PCDHGA10: variants seen among roughly 807,000 people sequenced by gnomAD.
The protein encoded by PCDHGA10 is protocadherin gamma subfamily A, 10.
A neutral mutation model predicts 59.5 loss-of-function variants in PCDHGA10; 42 were observed. That is an observed-to-expected ratio of 0.71 (90% CI 0.55 to 0.91). The LOEUF (loss-of-function observed/expected upper bound fraction) is 0.91, where lower values mean the gene tolerates loss of function less well. Among genes scored for constraint, PCDHGA10 ranks in the 40% least tolerant of loss-of-function variants. PCDHGA10 has a pLI of 0.00. For missense variants in PCDHGA10, 1,111 were observed against 1,198.2 expected (o/e 0.93, Z 1.07); for synonymous variants, 511 against 517.2 (o/e 0.99, Z 0.16).
chr5:141,433,262 T>C (rs2097580507), intron 1 of PCDHGA10: 1 of 1,339,318 alleles, frequency 7.5e-7, no homozygotes, highest in Non-Finnish European at 1.0e-6. Context: ...GGTACGATCA[T>C]AGCTCACTGC....
Position 141,417,750 on chromosome 5 carries a change from G to A in PCDHGA10, c.2436+2139G>A, listed in dbSNP as rs1430413607. The A allele has an allele frequency of 1.5e-5, 22 of 1,426,796 alleles. 1 individual carries two copies. In the East Asian group the frequency reaches 5.5e-4, roughly 36 times the overall value. The allele number at this position is 1,426,796 out of a possible 1,614,324, so 88.4% of individuals were successfully genotyped here. On this transcript the variant is annotated intron_variant, in intron 1 of 3. Coordinates refer to ENST00000398610, the MANE Select transcript of PCDHGA10 (RefSeq NM_018913.3). ...CCTTGCCCAGCACACCAGATTGCCA[G>A]CTCCGAGACCCGGGACTCCTCCTGT...
At chr5:141,430,396 A>G (rs1433813025) in intron 1 of PCDHGA10, among the ~76,000 whole-genome samples, 5 of 151,842 alleles carry the variant, frequency 3.3e-5, no homozygotes, top group Non-Finnish European at 7.4e-5. Context: ...AAAAAAAAAA[A>G]GCTCACTAAA....
At chr5:141,425,047 A>G (rs1590618154) in intron 1 of PCDHGA10, among the ~76,000 whole-genome samples, 1 of 152,198 alleles carries the variant, frequency 6.6e-6, no homozygotes, top group Non-Finnish European at 1.5e-5. Context: ...TAAACTGACT[A>G]TCTAGGGCTC....
rs1342050986 is a variant in PCDHGA10, at chr5:141,415,264, C to G, written c.2089C>G (p.Leu697Val). 1.2e-6 allele frequency: 2 copies of G among 1,614,210 alleles called. No individual in the cohort carries two copies. The highest frequency in any genetic ancestry group is 1.7e-6 in the Non-Finnish European group (2 of 1,180,038). ...NSETSDLTLYLVVAVAAVSCV... is the reference protein window; with the variant it reads ...NSETSDLTLYVVVAVAAVSCV... Reference sequence around the variant, plus strand: ...TGAAACCTCAGACCTCACTCTGTACCTGGTGGTAGCGGTGGCCGCGGTCTC... The same window carrying G: ...TGAAACCTCAGACCTCACTCTGTACGTGGTGGTAGCGGTGGCCGCGGTCTC... Residue 697 changes from leucine to valine, a missense_variant, in exon 1 of 4, where the codon CTG (leucine) becomes GTG (valine). Transcript: ENST00000398610.
chr5:141,433,079 A>C, intron 1 of PCDHGA10: 1 of 1,614,208 alleles, frequency 6.2e-7, no homozygotes, highest in South Asian at 1.1e-5. Flanking sequence ...CCCCCAGCCC[A>C]ACTATGCAGA....
chr5:141,477,607 G>A lies in PCDHGA10; in HGVS notation c.2437-17200G>A, dbSNP rs1223703956. ...ATGCTCGGCTTTCTTTCTTTCTCTT[G>A]GAGCAAGGAGCTGAAACCGGGCTAG... is the stretch of plus-strand genomic sequence containing the variant. On this transcript the variant is annotated intron_variant, in intron 1 of 3. Coordinates refer to ENST00000398610, the MANE Select transcript of PCDHGA10 (RefSeq NM_018913.3). The surrounding 1 kb of genome is among the most constrained non-coding windows in gnomAD (Gnocchi z 4.9). 2 of 1,614,028 alleles carry A rather than the reference G, an allele frequency of 1.2e-6. No individual in the cohort carries two copies. The highest frequency in any genetic ancestry group is 3.3e-5 in the Admixed American group (2 of 60,000).
rs1327490895 is a variant in PCDHGA10, at chr5:141,487,672, G to A, written c.2437-7135G>A. The stretch of plus-strand genomic sequence containing the variant: ...AGGGTTATTCTGATCCAGGCATATG[G>A]CTAGGCCATGTCCTAGAGAGTACTG... On this transcript the variant is annotated intron_variant, in intron 1 of 3. Coordinates refer to ENST00000398610, the MANE Select transcript of PCDHGA10 (RefSeq NM_018913.3). This position sits in a 1 kb window ranked among gnomAD's most constrained non-coding sequence, Gnocchi z 5.0. 6.2e-7 allele frequency: 1 copy of A among 1,611,484 alleles called. No individual in the cohort carries two copies. Among genetic ancestry groups the A allele is most frequent in the Non-Finnish European group, 8.5e-7 (1 of 1,178,612 alleles).
intron 2 of PCDHGA10, among the ~76,000 whole-genome samples, chr5:141,497,501 C>T (rs1268186916): frequency 6.6e-6 from 1 of 151,182 alleles, no homozygotes; most frequent in Non-Finnish European, 1.5e-5. Flanking sequence ...TCTCTCCTCT[C>T]TCTGCTTCCT....
rs1407016089 is a variant in PCDHGA10 at position 141,489,914 on chromosome 5, C to T, written c.2437-4893C>T. On this transcript the variant is annotated intron_variant, in intron 1 of 3. Coordinates refer to ENST00000398610, the MANE Select transcript of PCDHGA10 (RefSeq NM_018913.3). The surrounding 1 kb of genome is among the most constrained non-coding windows in gnomAD (Gnocchi z 4.5). Reference sequence around the variant, plus strand: ...GGGGGGACCCCAGCCCGCTCAGGGACCACCCTTATCTCTGTCATCGTGCTG... The same window carrying T: ...GGGGGGACCCCAGCCCGCTCAGGGATCACCCTTATCTCTGTCATCGTGCTG... 3 of 1,614,094 alleles carry T rather than the reference C, an allele frequency of 1.9e-6. No individual in the cohort carries two copies. Among genetic ancestry groups the T allele is most frequent in the African/African-American group, 2.7e-5 (2 of 74,936 alleles).
Position 141,414,091 on chromosome 5 carries a change from A to C in PCDHGA10, c.916A>C (p.Lys306Gln), listed in dbSNP as rs774168035. Reference protein sequence around the residue: ...FQLNKYTGEIKISENLDYEET... With the variant: ...FQLNKYTGEIQISENLDYEET... ...ACTAAACAAATATACTGGAGAAATA[A>C]AAATATCAGAAAATCTAGATTATGA... The change falls in exon 1 of 4, where the codon AAA becomes CAA. Residue 306 changes from lysine to glutamine, a missense_variant. Coordinates refer to ENST00000398610, the MANE Select transcript of PCDHGA10 (RefSeq NM_018913.3). 12 of 1,594,412 alleles carry C rather than the reference A, an allele frequency of 7.5e-6. No individual in the cohort carries two copies. The highest frequency in any genetic ancestry group is 1.3e-5 in the African/African-American group (1 of 74,428).
At chr5:141,418,687 G>T (rs758554600) in intron 1 of PCDHGA10, 1 of 1,613,928 alleles carries the variant, frequency 6.2e-7, no homozygotes, top group African/African-American at 1.3e-5. Context: ...TCAACTCAGA[G>T]ATCACTTATT....
chr5:141,473,116 G>A (rs966472502), intron 1 of PCDHGA10, among the ~76,000 whole-genome samples: 19 of 152,114 alleles, frequency 1.2e-4, no homozygotes, highest in African/African-American at 4.6e-4. Context: ...ACTTTACTTG[G>A]CTCTTTGGCA....
In PCDHGA10 at chr5:141,511,405, T is replaced by C. The variant is rs1274658643; in HGVS notation, c.*232T>C. The C allele has an allele frequency of 2.2e-5, 21 of 944,066 alleles. No homozygotes were observed. In the East Asian group the frequency reaches 5.8e-4, roughly 26 times the overall value. 58.5% of individuals were successfully genotyped at this position (944,066 alleles called of 1,614,324 possible). On this transcript the variant is annotated 3_prime_UTR_variant, in exon 4 of 4. Transcript: ENST00000398610. ...CGCTGGGAACCCCCATCCAATCAACTGCTGTACCCATGGGGGTAGTGGGGT... is the reference window on the plus strand; with the variant it reads ...CGCTGGGAACCCCCATCCAATCAACCGCTGTACCCATGGGGGTAGTGGGGT...
Position 141,431,046 on chromosome 5 carries a change from G to A in PCDHGA10, c.2436+15435G>A, listed in dbSNP as rs1324139757. 7 of 1,614,240 alleles carry A rather than the reference G, an allele frequency of 4.3e-6. 1 individual carries two copies. The Admixed American group carries it at 1.0e-4, about 23-fold the overall frequency. ...GGCAGGATAGACCGGGAGGAGCTCTGTATGGGGGCCATCAAGTGTCAATTA... is the reference window on the plus strand; with the variant it reads ...GGCAGGATAGACCGGGAGGAGCTCTATATGGGGGCCATCAAGTGTCAATTA... On this transcript the variant is annotated intron_variant, in intron 1 of 3. Transcript: ENST00000398610. The surrounding 1 kb of genome is among the most constrained non-coding windows in gnomAD (Gnocchi z 4.8).
intron 2 of PCDHGA10, among the ~76,000 whole-genome samples, chr5:141,497,212 G>A (rs968445663): frequency 6.6e-6 from 1 of 150,900 alleles, no homozygotes; most frequent in Non-Finnish European, 1.5e-5. Flanking sequence ...AGTGTAATGG[G>A]GGGGGGAAGA....
chr5:141,417,871 C>T (rs1317007566), intron 1 of PCDHGA10: 1 of 1,554,006 alleles, frequency 6.4e-7, no homozygotes, highest in African/African-American at 1.4e-5. Context: ...TGGGAGGGAG[C>T]TGCGCGCAGA....
intron 1 of PCDHGA10, among the ~76,000 whole-genome samples, chr5:141,483,755 G>A (rs2099586573): frequency 6.6e-6 from 1 of 152,130 alleles, no homozygotes. Flanking sequence ...TGAGGATCGA[G>A]GCTTGGAAAA....
rs768132114 is a variant in PCDHGA10 at position 141,489,845 on chromosome 5, G to A, written c.2437-4962G>A. 5 of 1,614,188 alleles carry A rather than the reference G, an allele frequency of 3.1e-6. No homozygotes were observed. The highest frequency in any genetic ancestry group is 2.2e-5 in the South Asian group (2 of 91,088). On this transcript the variant is annotated intron_variant, in intron 1 of 3. Transcript: ENST00000398610. This position sits in a 1 kb window ranked among gnomAD's most constrained non-coding sequence, Gnocchi z 4.5. ...CTGGTGCTAGAGCAGCAGCTGGATC[G>A]TGAAGCCCAGGCAAGACATCAGCTG...
At chr5:141,478,016 G>A (rs1204231648) in intron 1 of PCDHGA10, 1 of 1,614,108 alleles carries the variant, frequency 6.2e-7, no homozygotes, top group Non-Finnish European at 8.5e-7. Context: ...TGCCCGTCCA[G>A]TCCAAGACAC....
Sources: gnomAD v4.1 joint callset for allele counts (sites outside exome capture counted in the v4.1 genomes callset) on GRCh38, gnomAD v4.1.1 for gene constraint, Gnocchi (gnomAD v3.1) non-coding constraint, MANE v1.5 for transcripts, NCBI Gene and HGNC (gene_info 2026-07-23, HGNC 2026-07-21) for gene names.